The following SLC39A10 variants were observed in gnomAD, a reference collection of about 807,000 sequenced individuals.
The protein encoded by SLC39A10 is zinc transporter ZIP10.
SLC39A10 carries 13 observed loss-of-function variants against 65.1 expected under a neutral mutation model. That is an observed-to-expected ratio of 0.20 (90% CI 0.13 to 0.32). The LOEUF is 0.32. Ranked by LOEUF, SLC39A10 falls within the 10% of genes least tolerant of loss-of-function variation. SLC39A10 has a pLI of 1.00. For synonymous variants in SLC39A10, 321 were observed against 342.2 expected, an observed-to-expected ratio of 0.94 and a Z score of 0.68; for missense variants, 831 against 1,018.4, an observed-to-expected ratio of 0.82 and a Z score of 2.50.
At chr2:195,672,875 T>G (rs1689923784) in intron 1 of SLC39A10, among the ~76,000 whole-genome samples, 1 of 152,162 alleles carries the variant, frequency 6.6e-6, no homozygotes, top group African/African-American at 2.4e-5. Context: ...CATCTTCTAG[T>G]GGAAAATCAA....
intron 2 of SLC39A10, among the ~76,000 whole-genome samples, chr2:195,683,124 TC>T (rs1428417528): frequency 6.6e-6 from 1 of 150,930 alleles, no homozygotes; most frequent in Non-Finnish European, 1.5e-5. Flanking sequence ...ATTATTTTTT[TC>T]TTTCTCCTCT....
chr2:195,702,623 G>A (rs1312880810), intron 3 of SLC39A10, among the ~76,000 whole-genome samples: 1 of 152,108 alleles, frequency 6.6e-6, no homozygotes, highest in Admixed American at 6.5e-5. Context: ...ACAGTTCATT[G>A]GCATTAATTA....
At chr2:195,695,985 A>G (rs753804942) in intron 3 of SLC39A10, among the ~76,000 whole-genome samples, 2 of 152,174 alleles carry the variant, frequency 1.3e-5, no homozygotes, top group African/African-American at 2.4e-5. Flanking sequence ...TAAGAGTCCA[A>G]CTGCTTTCTT....
At chr2:195,634,924 TG>T in intron 2 of SLC39A10, among the ~76,000 whole-genome samples, 1 of 152,224 alleles carries the variant, frequency 6.6e-6, no homozygotes, top group Non-Finnish European at 1.5e-5. Context: ...GGTGGGTACC[TG>T]TAATCCTAGC....
At position 195,640,344 on chromosome 2, in the gene SLC39A10, A is replaced by G. The variant is rs1422471185; in HGVS notation, c.-12+34111A>G. ...AAAAGCCCTGAAGCATTAAAAGAAAAAAAAAAAAAAAACCTTAAAAATCCC... is the reference window on the plus strand; with the variant it reads ...AAAAGCCCTGAAGCATTAAAAGAAAGAAAAAAAAAAAACCTTAAAAATCCC... On this transcript the variant is annotated intron_variant, in intron 2 of 2. Coordinates refer to the SLC39A10 transcript ENST00000458054. 1.4e-5 allele frequency among the ~76,000 whole-genome samples: 2 copies of G among 146,560 alleles called. 1 individual carries two copies.
At chr2:195,670,329 T>TA (rs1157604717) in intron 1 of SLC39A10, 10 of 152,004 alleles carry the variant, frequency 6.6e-5, no homozygotes, top group African/African-American at 2.2e-4. Flanking sequence ...AGCTAACAAA[T>TA]ACATTATCTC....
At chr2:195,664,766 A>G (rs866827913) in intron 1 of SLC39A10, among the ~76,000 whole-genome samples, 14 of 152,242 alleles carry the variant, frequency 9.2e-5, no homozygotes, top group Non-Finnish European at 1.8e-4. Flanking sequence ...AAGTAAGTAT[A>G]TGACAAAACC....
At chr2:195,683,967 T>A in intron 3 of SLC39A10, 61 bp downstream of exon 3, 1 of 1,090,746 alleles carries the variant, frequency 9.2e-7, no homozygotes, top group Non-Finnish European at 1.3e-6. Flanking sequence ...TTTTAAACTA[T>A]AGTTGAATTA....
intron 2 of SLC39A10, among the ~76,000 whole-genome samples, chr2:195,638,958 T>G (rs966262553): frequency 1.3e-4 from 20 of 151,674 alleles, no homozygotes; most frequent in East Asian, 3.9e-4. Context: ...GGCAGTTTTT[T>G]TTTTTGTTTT....
chr2:195,675,997 T>A (rs1458532823), intron 1 of SLC39A10, among the ~76,000 whole-genome samples: 1 of 150,272 alleles, frequency 6.7e-6, no homozygotes, highest in Non-Finnish European at 1.5e-5. Flanking sequence ...ATTGCCTAGA[T>A]TATTAGTCAT....
At chr2:195,714,356 G>C (rs1227569899) in intron 6 of SLC39A10, among the ~76,000 whole-genome samples, 1 of 152,114 alleles carries the variant, frequency 6.6e-6, no homozygotes, top group African/African-American at 2.4e-5. Flanking sequence ...CATAAATTCA[G>C]CATTTCTCAT....
At chr2:195,670,467 T>C (rs1468464698) in intron 1 of SLC39A10, 1 of 152,208 alleles carries the variant, frequency 6.6e-6, no homozygotes, top group Non-Finnish European at 1.5e-5. Context: ...TATGTGCTGC[T>C]GAAGCACACA....
chr2:195,638,334 CT>C (rs1388406045), intron 2 of SLC39A10, among the ~76,000 whole-genome samples: 5 of 150,724 alleles, frequency 3.3e-5, no homozygotes, highest in Admixed American at 6.6e-5. Context: ...CTTTTTTAAA[CT>C]TTTTTTTTAG....
At chr2:195,657,539 C>A in intron 1 of SLC39A10, 3 of 983,532 alleles carry the variant, frequency 3.1e-6, no homozygotes, top group Non-Finnish European at 2.4e-6. Context: ...CTGCTGCGGG[C>A]CGCGGGATCG....
intron 7 of SLC39A10, 23 bp from the exon 8 acceptor site, chr2:195,718,229 G>GT (rs764391059): frequency 6.1e-5 from 97 of 1,588,334 alleles, no homozygotes; most frequent in Middle Eastern, 3.3e-4. Flanking sequence ...AACCTCACTT[G>GT]TTTTTTTTCT....
At chr2:195,695,495 G>A (rs1690915893) in intron 3 of SLC39A10, among the ~76,000 whole-genome samples, 1 of 152,196 alleles carries the variant, frequency 6.6e-6, no homozygotes, top group African/African-American at 2.4e-5. Flanking sequence ...CAGGCAGCCA[G>A]TGAGCAGGAC....
chr2:195,737,627 G>GTGGT lies in SLC39A10; in HGVS notation c.*2587_*2590dup, dbSNP rs1692705016. 1 of 219,636 alleles carries GTGGT rather than the reference G, an allele frequency of 4.6e-6. No homozygotes were observed. The highest frequency in any genetic ancestry group is 2.3e-5 in the African/African-American group (1 of 43,080). 13.6% of individuals were successfully genotyped at this position (219,636 alleles called of 1,614,324 possible). A position where few individuals can be genotyped will look rare whatever the true frequency, so the allele number is the denominator to read the frequency against. On this transcript the variant is annotated 3_prime_UTR_variant, in exon 10 of 10. Transcript: ENST00000359634. The stretch of plus-strand genomic sequence containing the variant: ...TGTTTTTTTTTTTTCATTGTCAACA[G>GTGGT]TGGTGTGTCATTTTATGTATGTTCC...
intron 8 of SLC39A10, among the ~76,000 whole-genome samples, chr2:195,719,978 C>T (rs994541164): frequency 9.2e-5 from 14 of 152,164 alleles, no homozygotes; most frequent in Middle Eastern, 6.8e-3. Context: ...TTAGTAGAGA[C>T]GGGGTTTCTC....
intron 1 of SLC39A10, among the ~76,000 whole-genome samples, chr2:195,657,879 C>CAA (rs1299732440): frequency 1.3e-4 from 20 of 152,274 alleles, no homozygotes; most frequent in African/African-American, 4.8e-4. Context: ...CGGACGGCGG[C>CAA]GCCTCTGCTC....
Sources: allele counts gnomAD v4.1 joint callset (sites outside exome capture counted in the v4.1 genomes callset), GRCh38; gene constraint gnomAD v4.1.1; transcripts MANE v1.5; gene names NCBI Gene and HGNC (gene_info 2026-07-23, HGNC 2026-07-21).